RPS6KC1: variants seen among roughly 807,000 people sequenced by gnomAD.
RPS6KC1 encodes the protein inactive ribosomal protein S6 kinase delta-1.
A neutral mutation model predicts 103.8 loss-of-function variants in RPS6KC1; 54 were observed. The ratio of observed to expected loss-of-function variants is 0.52; its 90% CI spans 0.42 to 0.65. The LOEUF (loss-of-function observed/expected upper bound fraction) is 0.65. Ranked by LOEUF, RPS6KC1 falls within the 30% of genes least tolerant of loss-of-function variation. The probability of loss-of-function intolerance (pLI) is 0.00; values close to 1 mark genes in which losing one functional copy is unlikely to be tolerated. For missense variants in RPS6KC1, 1,151 were observed against 1,253.8 expected, an observed-to-expected ratio of 0.92 and a Z score of 1.24; for synonymous variants, 439 against 438.7, an observed-to-expected ratio of 1.00 and a Z score of -0.01.
the RPS6KC1 span, among the ~76,000 whole-genome samples, chr1:213,544,599 G>T: frequency 6.6e-6 from 1 of 152,064 alleles, no homozygotes; most frequent in Admixed American, 6.5e-5. Flanking sequence ...GCTACATATA[G>T]GTTATCCTTG....
the RPS6KC1 span, among the ~76,000 whole-genome samples, chr1:213,731,041 T>A: frequency 6.6e-6 from 1 of 152,200 alleles, no homozygotes; most frequent in Non-Finnish European, 1.5e-5. Flanking sequence ...CCTTTCCCCA[T>A]GGCTTTTGTT....
the RPS6KC1 span, among the ~76,000 whole-genome samples, chr1:213,745,842 CTA>C: frequency 6.6e-6 from 1 of 152,172 alleles, no homozygotes; most frequent in Admixed American, 6.5e-5. Context: ...GGTTAAATCT[CTA>C]TTTACACCAC....
chr1:213,600,159 G>A, the RPS6KC1 span, among the ~76,000 whole-genome samples: 8 of 152,140 alleles, frequency 5.3e-5, no homozygotes, highest in African/African-American at 1.9e-4. Context: ...TCCACCATGA[G>A]TGTAAGTTTC....
intron 5 of RPS6KC1, among the ~76,000 whole-genome samples, chr1:213,124,057 T>C (rs919307854): frequency 1.3e-5 from 2 of 152,100 alleles, no homozygotes; most frequent in Non-Finnish European, 2.9e-5. Flanking sequence ...AGCACAGAGG[T>C]AAGGGTAGGT....
At chr1:213,793,889 G>T in the RPS6KC1 span, among the ~76,000 whole-genome samples, 1 of 152,230 alleles carries the variant, frequency 6.6e-6, no homozygotes, top group African/African-American at 2.4e-5. Flanking sequence ...TGTTTTGTGT[G>T]TGTGTGTTTT....
At chr1:213,533,037 C>A in the RPS6KC1 span, among the ~76,000 whole-genome samples, 1 of 152,178 alleles carries the variant, frequency 6.6e-6, no homozygotes, top group South Asian at 2.1e-4. Flanking sequence ...TAGGGAAGTT[C>A]AGGCTTCACT....
At chr1:213,155,087 C>T (rs1055825176) in intron 6 of RPS6KC1, among the ~76,000 whole-genome samples, 2 of 152,164 alleles carry the variant, frequency 1.3e-5, no homozygotes, top group Admixed American at 6.5e-5. Flanking sequence ...ACAACTCTGA[C>T]CAGTGCCCTA....
chr1:213,399,857 C>T, the RPS6KC1 span, among the ~76,000 whole-genome samples: 1 of 152,194 alleles, frequency 6.6e-6, no homozygotes, highest in Non-Finnish European at 1.5e-5. Context: ...CCTTTGTAGC[C>T]TGTGCCATTT....
chr1:213,176,281 C>G (rs1456286012), intron 7 of RPS6KC1, 119 bp from the exon 8 acceptor site: 1 of 518,770 alleles, frequency 1.9e-6, no homozygotes, highest in South Asian at 5.3e-5. Context: ...TTCCTTTCAT[C>G]TTTCCATTCT....
chr1:213,114,651 G>C (rs1190928520), intron 4 of RPS6KC1, among the ~76,000 whole-genome samples: 5 of 151,460 alleles, frequency 3.3e-5, no homozygotes, highest in Non-Finnish European at 4.4e-5. Flanking sequence ...CAAAGGGAAT[G>C]CTTCCAGTTT....
chr1:213,313,899 G>C, the RPS6KC1 span, among the ~76,000 whole-genome samples: 3 of 152,148 alleles, frequency 2.0e-5, no homozygotes, highest in Admixed American at 6.5e-5. Context: ...CTTGCAGTGA[G>C]CCGAGATGGC....
the RPS6KC1 span, among the ~76,000 whole-genome samples, chr1:213,772,516 G>A: frequency 6.6e-6 from 1 of 152,176 alleles, no homozygotes; most frequent in Non-Finnish European, 1.5e-5. Flanking sequence ...GCCTTTCTAG[G>A]GTTTGTTTGG....
At chr1:213,404,108 G>A in the RPS6KC1 span, among the ~76,000 whole-genome samples, 2 of 152,186 alleles carry the variant, frequency 1.3e-5, no homozygotes, top group African/African-American at 4.8e-5. Context: ...GCCTCAGCCT[G>A]GGCCACAGGG....
the RPS6KC1 span, among the ~76,000 whole-genome samples, chr1:213,469,622 T>TC: frequency 6.6e-6 from 1 of 152,180 alleles, no homozygotes; most frequent in Non-Finnish European, 1.5e-5. Flanking sequence ...CGCTAGCCTT[T>TC]CCCAAGCCCT....
At chr1:213,834,125 A>T in the RPS6KC1 span, among the ~76,000 whole-genome samples, 1 of 151,856 alleles carries the variant, frequency 6.6e-6, no homozygotes. Context: ...TGCAGCTTTG[A>T]CCTCCTCAGG....
intron 1 of RPS6KC1, among the ~76,000 whole-genome samples, chr1:213,053,940 A>G (rs956917471): frequency 2.0e-5 from 3 of 151,354 alleles, no homozygotes; most frequent in African/African-American, 7.3e-5. Context: ...GGTTCAAGTG[A>G]TTCTCCTGTC....
At chr1:213,245,688 CA>C (rs1471033121) in intron 12 of RPS6KC1, among the ~76,000 whole-genome samples, 2 of 152,002 alleles carry the variant, frequency 1.3e-5, no homozygotes, top group Non-Finnish European at 2.9e-5. Context: ...TTTGCATGGA[CA>C]GAAACTTGAG....
the RPS6KC1 span, among the ~76,000 whole-genome samples, chr1:213,705,389 CTG>C: frequency 5.9e-5 from 9 of 152,362 alleles, no homozygotes; most frequent in East Asian, 1.7e-3. Flanking sequence ...GATCCCCACT[CTG>C]TGGCCATCAC....
At chr1:213,141,851 T>G (rs553117474) in intron 6 of RPS6KC1, among the ~76,000 whole-genome samples, 1 of 151,962 alleles carries the variant, frequency 6.6e-6, no homozygotes, top group African/African-American at 2.4e-5. Context: ...TCATTAGTTT[T>G]GTTGGGTGGA....
Sources: allele counts gnomAD v4.1 joint callset (sites outside exome capture counted in the v4.1 genomes callset), GRCh38; gene constraint gnomAD v4.1.1; transcripts MANE v1.5; gene names NCBI Gene and HGNC (gene_info 2026-07-23, HGNC 2026-07-21).